Variants in ASXL3 observed in about 807,000 individuals in gnomAD.
ASXL3 encodes the protein putative Polycomb group protein ASXL3.
A neutral mutation model predicts 170.6 loss-of-function variants in ASXL3; 34 were observed. The ratio of observed to expected loss-of-function variants is 0.20; its 90% CI spans 0.15 to 0.27. ASXL3 has a LOEUF of 0.27. ASXL3 is among the 10% of genes least tolerant of loss of function. The pLI, the probability that ASXL3 is intolerant of heterozygous loss-of-function variation, is 1.00. For synonymous variants in ASXL3, 1,002 were observed against 989.1 expected, an observed-to-expected ratio of 1.01 and a Z score of -0.24; for missense variants, 2,592 against 2,695.3, an observed-to-expected ratio of 0.96 and a Z score of 0.85.
intron 8 of ASXL3, among the ~76,000 whole-genome samples, chr18:33,717,878 A>G (rs1158713217): frequency 1.3e-5 from 2 of 152,146 alleles, no homozygotes; most frequent in Admixed American, 6.6e-5. Flanking sequence ...ATTTAATAAG[A>G]AGCCATAAAT....
intron 5 of ASXL3, among the ~76,000 whole-genome samples, chr18:33,663,604 G>GA (rs1361081631): frequency 2.0e-5 from 3 of 152,034 alleles, no homozygotes; most frequent in South Asian, 2.1e-4. Flanking sequence ...TTAATGTCCT[G>GA]AAAGAGTTAT....
At chr18:33,697,671 T>TG (rs1188130820) in intron 8 of ASXL3, among the ~76,000 whole-genome samples, 1 of 152,020 alleles carries the variant, frequency 6.6e-6, no homozygotes, top group Non-Finnish European at 1.5e-5. Context: ...AGGTGGTTGT[T>TG]GCCCAACCTC....
intron 7 of ASXL3, among the ~76,000 whole-genome samples, chr18:33,682,198 G>A (rs1046171328): frequency 1.3e-5 from 2 of 152,146 alleles, no homozygotes; most frequent in Admixed American, 6.5e-5. Context: ...AGACATACAC[G>A]ACATATAAAC....
At chr18:33,595,426 C>G (rs1009657949) in intron 1 of ASXL3, among the ~76,000 whole-genome samples, 2 of 152,038 alleles carry the variant, frequency 1.3e-5, no homozygotes, top group Admixed American at 1.3e-4. Context: ...ATTATATATC[C>G]TGTATCTTTT....
rs140073388 is a variant in ASXL3, at chr18:33,607,970, T to G, written c.137+294T>G. 6.4e-3 allele frequency among the ~76,000 whole-genome samples: 980 copies of G among 152,092 alleles called. 12 individuals carry two copies. The highest frequency in any genetic ancestry group is 0.022 in the African/African-American group (909 of 41,532). On this transcript the variant is annotated intron_variant, in intron 2 of 11. Coordinates refer to ENST00000269197, the MANE Select transcript of ASXL3 (RefSeq NM_030632.3). Reference sequence around the variant, plus strand: ...TCCTGTTTCTTGTAAGAGGAGATTGTGTTTCTGAAACCAAATGGTGAAAGA... The same window carrying G: ...TCCTGTTTCTTGTAAGAGGAGATTGGGTTTCTGAAACCAAATGGTGAAAGA...
At chr18:33,684,297 A>G (rs2066558430) in intron 8 of ASXL3, among the ~76,000 whole-genome samples, 1 of 152,174 alleles carries the variant, frequency 6.6e-6, no homozygotes, top group South Asian at 2.1e-4. Context: ...GAAACTGTGC[A>G]TCATTTTCAA....
intron 1 of ASXL3, among the ~76,000 whole-genome samples, chr18:33,592,009 T>G (rs1170672737): frequency 6.6e-6 from 1 of 152,158 alleles, no homozygotes; most frequent in Non-Finnish European, 1.5e-5. Context: ...AAACACATTT[T>G]TCCTTTAGTT....
intron 1 of ASXL3, among the ~76,000 whole-genome samples, chr18:33,590,475 TG>T (rs2065068938): frequency 6.6e-6 from 1 of 152,140 alleles, no homozygotes; most frequent in Non-Finnish European, 1.5e-5. Flanking sequence ...GAAAGTATGC[TG>T]GAAAAACAAA....
intron 2 of ASXL3, among the ~76,000 whole-genome samples, chr18:33,643,705 A>G (rs977705882): frequency 6.6e-6 from 1 of 151,828 alleles, no homozygotes; most frequent in African/African-American, 2.4e-5. Context: ...AAGAGATTTG[A>G]TAGTCTTGAT....
At chr18:33,737,487 G>T (rs1042255109) in intron 10 of ASXL3, among the ~76,000 whole-genome samples, 8 of 152,094 alleles carry the variant, frequency 5.3e-5, no homozygotes, top group African/African-American at 1.9e-4. Context: ...TAAATTATAT[G>T]ATAGAAAACA....
intron 8 of ASXL3, among the ~76,000 whole-genome samples, chr18:33,706,967 T>C (rs1323674184): frequency 1.3e-5 from 2 of 151,884 alleles, no homozygotes; most frequent in African/African-American, 4.8e-5. Context: ...TTTAGATGCA[T>C]ATCCAGTTGA....
intron 2 of ASXL3, among the ~76,000 whole-genome samples, chr18:33,609,520 A>T (rs182510278): frequency 6.9e-4 from 105 of 152,098 alleles, no homozygotes; most frequent in African/African-American, 2.5e-3. Flanking sequence ...ATTTTTTCAA[A>T]ATGCTGGTCC....
chr18:33,634,313 T>G (rs1021267706), intron 2 of ASXL3, among the ~76,000 whole-genome samples: 2 of 151,542 alleles, frequency 1.3e-5, no homozygotes, highest in Non-Finnish European at 2.9e-5. Context: ...CAGTTGTGGA[T>G]GTGGCATAGT....
At chr18:33,690,842 G>T (rs1007693141) in intron 8 of ASXL3, among the ~76,000 whole-genome samples, 1 of 152,124 alleles carries the variant, frequency 6.6e-6, no homozygotes, top group Non-Finnish European at 1.5e-5. Flanking sequence ...CACCCACCTT[G>T]CATTTTCCTC....
chr18:33,742,173 C>T (rs779399406), intron 11 of ASXL3, among the ~76,000 whole-genome samples: 4 of 152,200 alleles, frequency 2.6e-5, no homozygotes, highest in Non-Finnish European at 4.4e-5. Flanking sequence ...AAACAGAACA[C>T]GCTGACAAAT....
intron 7 of ASXL3, among the ~76,000 whole-genome samples, chr18:33,680,168 A>G (rs960123425): frequency 3.3e-5 from 5 of 152,106 alleles, no homozygotes; most frequent in Admixed American, 3.3e-4. Context: ...TTAAAAATTC[A>G]AATACTTTAT....
intron 5 of ASXL3, among the ~76,000 whole-genome samples, chr18:33,663,433 G>T (rs922184205): frequency 6.6e-6 from 1 of 151,890 alleles, no homozygotes; most frequent in East Asian, 1.9e-4. Flanking sequence ...TCATCATTTT[G>T]GTTTTGTATT....
intron 8 of ASXL3, among the ~76,000 whole-genome samples, chr18:33,685,590 C>T (rs1002352653): frequency 6.6e-6 from 1 of 152,146 alleles, no homozygotes; most frequent in Non-Finnish European, 1.5e-5. Context: ...ATTTGCATTG[C>T]TATAAAGAAA....
rs750553743 is a variant in ASXL3 at position 33,746,075 on chromosome 18, G to A, written c.6227G>A (p.Cys2076Tyr). The change falls in exon 12 of 12, where the codon TGT (cysteine) becomes TAT (tyrosine). Residue 2076 changes from cysteine to tyrosine, a missense_variant. This residue lies in a region of ASXL3 where 2,246 missense variants were observed against 2,219.6 expected (regional missense o/e 1.01). Transcript: ENST00000269197. ...RLSWPQSTGI[C>Y]SNIKSEPLSF... Reference sequence around the variant, plus strand: ...AGTTGGCCACAGTCCACGGGCATATGTAGCAATATAAAATCGGAACCTCTT... The same window carrying A: ...AGTTGGCCACAGTCCACGGGCATATATAGCAATATAAAATCGGAACCTCTT... 25 of 1,613,274 alleles carry A rather than the reference G, an allele frequency of 1.5e-5. No homozygotes were observed. The highest frequency in any genetic ancestry group is 1.0e-4 in the Admixed American group (6 of 59,974).
Sources: allele counts gnomAD v4.1 joint callset (sites outside exome capture counted in the v4.1 genomes callset), GRCh38; gene constraint gnomAD v4.1.1; regional missense constraint gnomAD v4.1.1; transcripts MANE v1.5; gene names NCBI Gene and HGNC (gene_info 2026-07-23, HGNC 2026-07-21).